Variants in VWA8 observed in about 807,000 individuals in gnomAD.
VWA8 encodes von Willebrand factor A domain containing 8.
In VWA8, 221 loss-of-function variants were observed where a neutral mutation model predicts 241.5. The observed-to-expected ratio is 0.91, with a 90% CI of 0.82 to 1.02. VWA8 has a LOEUF of 1.02. VWA8 is among the 50% of genes least tolerant of loss of function. The pLI is 0.00. For missense variants in VWA8, 2,322 were observed against 2,328.7 expected, an observed-to-expected ratio of 1.00 and a Z score of 0.06; for synonymous variants, 852 against 827.1, an observed-to-expected ratio of 1.03 and a Z score of -0.52.
At chr13:41,739,999 C>A (rs1464692918) in intron 21 of VWA8, among the ~76,000 whole-genome samples, 1 of 151,644 alleles carries the variant, frequency 6.6e-6, no homozygotes, top group Non-Finnish European at 1.5e-5. Context: ...GGACTACAGG[C>A]ACCTGCCACC....
chr13:41,924,003 A>T (rs1330323097), intron 2 of VWA8, among the ~76,000 whole-genome samples: 1 of 152,098 alleles, frequency 6.6e-6, no homozygotes, highest in Non-Finnish European at 1.5e-5. Context: ...CAAATGAAAA[A>T]GCAAAGAAAC....
chr13:41,819,419 A>G (rs756706027), intron 14 of VWA8, 33 bp from the exon 15 acceptor site: 19 of 1,578,714 alleles, frequency 1.2e-5, no homozygotes, highest in Middle Eastern at 3.3e-4. Flanking sequence ...AAAAAATAAC[A>G]TATCTTTCAT....
chr13:41,849,438 G>A (rs763120600), intron 12 of VWA8, among the ~76,000 whole-genome samples: 1 of 152,044 alleles, frequency 6.6e-6, no homozygotes, highest in Non-Finnish European at 1.5e-5. Context: ...AGGATATATA[G>A]ATATATCTAT....
intron 44 of VWA8, among the ~76,000 whole-genome samples, chr13:41,570,192 G>A (rs1044443969): frequency 7.9e-5 from 12 of 152,036 alleles, no homozygotes; most frequent in African/African-American, 2.4e-4. Flanking sequence ...AATACTACCC[G>A]GTTTATTAGT....
At chr13:41,659,098 C>T (rs2044931075) in intron 37 of VWA8, among the ~76,000 whole-genome samples, 1 of 152,204 alleles carries the variant, frequency 6.6e-6, no homozygotes, top group African/African-American at 2.4e-5. Flanking sequence ...GTAAAGATCA[C>T]TGGACAGGAG....
chr13:41,918,328 C>A (rs941963691), intron 2 of VWA8, among the ~76,000 whole-genome samples: 1 of 152,146 alleles, frequency 6.6e-6, no homozygotes. Flanking sequence ...GTGCTCAGCA[C>A]AGAGAAGATA....
chr13:41,928,981 T>A, intron 2 of VWA8, among the ~76,000 whole-genome samples: 1 of 152,044 alleles, frequency 6.6e-6, no homozygotes, highest in East Asian at 1.9e-4. Context: ...GTATATACTA[T>A]CCAAAGCAGT....
At chr13:41,840,661 A>T (rs1871955127) in intron 12 of VWA8, among the ~76,000 whole-genome samples, 1 of 151,838 alleles carries the variant, frequency 6.6e-6, no homozygotes, top group African/African-American at 2.4e-5. Context: ...TGGGGAGCTG[A>T]GGCACAAGGA....
intron 40 of VWA8, among the ~76,000 whole-genome samples, chr13:41,596,740 G>A (rs2044490666): frequency 6.9e-6 from 1 of 145,512 alleles, no homozygotes. Flanking sequence ...AGAGAATGAT[G>A]TATTCTGGTT....
chr13:41,693,580 CA>C (rs1481191058), intron 29 of VWA8, among the ~76,000 whole-genome samples: 2 of 152,034 alleles, frequency 1.3e-5, no homozygotes, highest in Non-Finnish European at 2.9e-5. Context: ...GAAGAACCTT[CA>C]TAACTGGTGC....
intron 26 of VWA8, 72 bp from the exon 27 acceptor site, chr13:41,703,483 T>G: frequency 2.3e-6 from 3 of 1,297,362 alleles, no homozygotes; most frequent in Non-Finnish European, 3.3e-6. Flanking sequence ...ACACGGCATC[T>G]ATTATCAACC....
chr13:41,849,201 G>C (rs1372350959), intron 12 of VWA8, among the ~76,000 whole-genome samples: 1 of 152,092 alleles, frequency 6.6e-6, no homozygotes. Context: ...CTGAAAAACT[G>C]GGGTTTTCTT....
At chr13:41,872,863 T>G (rs1873701679) in intron 9 of VWA8, among the ~76,000 whole-genome samples, 1 of 152,190 alleles carries the variant, frequency 6.6e-6, no homozygotes, top group East Asian at 1.9e-4. Context: ...GGTAGCTTGA[T>G]GGGGATGGCA....
chr13:41,621,418 G>C (rs1183313444), intron 37 of VWA8, among the ~76,000 whole-genome samples: 1 of 152,122 alleles, frequency 6.6e-6, no homozygotes, highest in Non-Finnish European at 1.5e-5. Context: ...TTTGTAGTTT[G>C]CTTATATGCG....
chr13:41,748,046 G>A (rs1593741470), intron 21 of VWA8, among the ~76,000 whole-genome samples: 1 of 152,258 alleles, frequency 6.6e-6, no homozygotes, highest in Admixed American at 6.5e-5. Context: ...CAGGGATATT[G>A]GTCTAAAATT....
chr13:41,675,077 G>A (rs1054874494), intron 36 of VWA8, 138 bp downstream of exon 36: 10 of 565,726 alleles, frequency 1.8e-5, no homozygotes, highest in Non-Finnish European at 3.1e-5. Flanking sequence ...CAGCAAGATA[G>A]AAACCAACTG....
chr13:41,908,240 C>T (rs138738569), intron 3 of VWA8, among the ~76,000 whole-genome samples: 1 of 152,118 alleles, frequency 6.6e-6, no homozygotes, highest in African/African-American at 2.4e-5. Flanking sequence ...CCGAAGTGGG[C>T]AGATCACTTG....
At chr13:41,571,347 G>GTCTCCCTCTCCC (rs1287347265) in intron 43 of VWA8, among the ~76,000 whole-genome samples, 2 of 104,510 alleles carry the variant, frequency 1.9e-5, no homozygotes, top group East Asian at 2.7e-4. Context: ...TCCCTCTCCC[G>GTCTCCCTCTCCC]TCTCCCTCTC....
Position 41,865,895 on chromosome 13 carries a change from T to C in VWA8, c.1347+7A>G. 6.2e-7 allele frequency: 1 copy of C among 1,614,208 alleles called. No individual in the cohort carries two copies. Among genetic ancestry groups the C allele is most frequent in the Non-Finnish European group, 8.5e-7 (1 of 1,180,014 alleles). On this transcript the variant is annotated splice_region_variant and intron_variant, in intron 11 of 44. Transcript: ENST00000379310. ...CTAAAAGTCTGCAGTGAGACTGTCA[T>C]TCTTACCTTTCCTCCAATTAAACAT...
Sources: gnomAD v4.1 joint callset for allele counts (sites outside exome capture counted in the v4.1 genomes callset) on GRCh38, gnomAD v4.1.1 for gene constraint, MANE v1.5 for transcripts, NCBI Gene and HGNC (gene_info 2026-07-23, HGNC 2026-07-21) for gene names.